Variants in SHC4 observed in about 807,000 individuals in gnomAD.
SHC4 encodes the protein SHC adaptor protein 4.
A neutral mutation model predicts 69.4 loss-of-function variants in SHC4; 41 were observed. The observed-to-expected ratio is 0.59, with a 90% CI of 0.46 to 0.77. The LOEUF (loss-of-function observed/expected upper bound fraction) is 0.77, where lower values mean the gene tolerates loss of function less well. Among genes scored for constraint, SHC4 ranks in the 30% least tolerant of loss-of-function variants. The pLI, the probability that SHC4 is intolerant of heterozygous loss-of-function variation, is 0.00. For synonymous variants in SHC4, 318 were observed against 299.3 expected (o/e 1.06, Z -0.64); for missense variants, 777 against 783.8 (o/e 0.99, Z 0.10).
intron 2 of SHC4, among the ~76,000 whole-genome samples, chr15:48,921,993 G>A (rs985812495): frequency 3.3e-5 from 5 of 152,146 alleles, no homozygotes; most frequent in African/African-American, 1.2e-4. Context: ...AAGATTCTGA[G>A]TAATTTTCTC....
chr15:48,864,294 C>G (rs1595736787), intron 6 of SHC4, among the ~76,000 whole-genome samples: 1 of 152,068 alleles, frequency 6.6e-6, no homozygotes, highest in East Asian at 1.9e-4. Context: ...ACTATTAGTT[C>G]ACAAATTTGA....
At chr15:48,885,643 C>T (rs1015500031) in intron 3 of SHC4, among the ~76,000 whole-genome samples, 1 of 152,154 alleles carries the variant, frequency 6.6e-6, no homozygotes, top group Non-Finnish European at 1.5e-5. Context: ...CCTAGTTTTG[C>T]TTTTATATTA....
chr15:48,952,317 C>G (rs571832292), intron 1 of SHC4, among the ~76,000 whole-genome samples: 15 of 152,228 alleles, frequency 9.9e-5, no homozygotes, highest in Non-Finnish European at 1.9e-4. Context: ...ACCCCTCTAA[C>G]TAGAGGAAGT....
chr15:48,878,071 C>A, intron 4 of SHC4: 2 of 1,427,888 alleles, frequency 1.4e-6, no homozygotes, highest in Non-Finnish European at 1.9e-6. Context: ...CACGCCTGCG[C>A]GCGGGGTTAC....
At chr15:48,886,911 G>A (rs1900045907) in intron 3 of SHC4, among the ~76,000 whole-genome samples, 1 of 152,164 alleles carries the variant, frequency 6.6e-6, no homozygotes, top group African/African-American at 2.4e-5. Context: ...TTTTACTAAA[G>A]AGTGGAGGCA....
At chr15:48,843,373 C>A (rs1899027704) in intron 10 of SHC4, 36 bp downstream of exon 10, 1 of 1,551,998 alleles carries the variant, frequency 6.4e-7, no homozygotes, top group Non-Finnish European at 8.8e-7. Context: ...TAAAACAGCC[C>A]TAAGAAATGA....
chr15:48,907,068 G>T (rs1232151406), intron 2 of SHC4, among the ~76,000 whole-genome samples: 2 of 151,922 alleles, frequency 1.3e-5, no homozygotes, highest in African/African-American at 4.8e-5. Context: ...TTTTTTAAAA[G>T]TTTATTTTAC....
At position 48,941,055 on chromosome 15, in the gene SHC4, T is replaced by C. The variant is rs564142277; in HGVS notation, c.586-16106A>G. On this transcript the variant is annotated intron_variant, in intron 1 of 11. Coordinates refer to ENST00000332408, the MANE Select transcript of SHC4 (RefSeq NM_203349.4). ...CCAGGGCTCGAAGGGACCTTAGAGATGATCCATTCCAACTCCTCTACTTTT... is the reference window on the plus strand; with the variant it reads ...CCAGGGCTCGAAGGGACCTTAGAGACGATCCATTCCAACTCCTCTACTTTT... 3.3e-5 allele frequency among the ~76,000 whole-genome samples: 5 copies of C among 152,308 alleles called. No individual in the cohort carries two copies. The South Asian group carries it at 1.0e-3, about 32-fold the overall frequency.
chr15:48,898,319 G>T (rs1900260348), intron 2 of SHC4, among the ~76,000 whole-genome samples: 1 of 152,208 alleles, frequency 6.6e-6, no homozygotes, highest in Non-Finnish European at 1.5e-5. Context: ...AAAATGGAAA[G>T]CCTCAGACTT....
chr15:48,936,707 T>C (rs184435137), intron 1 of SHC4, among the ~76,000 whole-genome samples: 1 of 152,212 alleles, frequency 6.6e-6, no homozygotes, highest in African/African-American at 2.4e-5. Context: ...TTTATAACAA[T>C]GTGAGAACAG....
At chr15:48,851,749 G>A (rs571048282) in intron 8 of SHC4, among the ~76,000 whole-genome samples, 2 of 152,268 alleles carry the variant, frequency 1.3e-5, no homozygotes, top group East Asian at 3.9e-4. Flanking sequence ...ATATACTGTG[G>A]GGGAGGGATC....
chr15:48,911,295 A>G (rs1272029406), intron 2 of SHC4, among the ~76,000 whole-genome samples: 2 of 152,156 alleles, frequency 1.3e-5, no homozygotes, highest in African/African-American at 2.4e-5. Flanking sequence ...CCTGTTGGAC[A>G]ATGCCTTTTA....
At chr15:48,947,776 A>G (rs1051776194) in intron 1 of SHC4, 1 of 152,200 alleles carries the variant, frequency 6.6e-6, no homozygotes, top group Non-Finnish European at 1.5e-5. Flanking sequence ...GAAAAAAATT[A>G]CACCTGCTTT....
intron 9 of SHC4, 42 bp from the exon 10 acceptor site, chr15:48,843,630 T>C: frequency 6.5e-7 from 1 of 1,542,864 alleles, no homozygotes; most frequent in Non-Finnish European, 8.8e-7. Context: ...GTTTTTTCTT[T>C]GTAAATAGTA....
rs1161007997 is a variant in SHC4 at position 48,963,754 on chromosome 15, T to A, written c.-739A>T. 6.6e-6 allele frequency among the ~76,000 whole-genome samples: 1 copy of A among 152,146 alleles called. No homozygotes were observed. Among genetic ancestry groups the A allele is most frequent in the Non-Finnish European group, 1.5e-5 (1 of 68,028 alleles). ...CCCCTCCCAGCCTGCCTACCCTCGCTCAGAGCTTCCCTCCCTCCTGGATTC... is the reference window on the plus strand; with the variant it reads ...CCCCTCCCAGCCTGCCTACCCTCGCACAGAGCTTCCCTCCCTCCTGGATTC... On this transcript the variant is annotated 5_prime_UTR_variant, in exon 1 of 12. Transcript: ENST00000332408.
At chr15:48,869,334 A>G (rs2413918) in intron 5 of SHC4, among the ~76,000 whole-genome samples, 5 of 152,180 alleles carry the variant, frequency 3.3e-5, no homozygotes, top group African/African-American at 1.2e-4. Context: ...TGAGAAGGCT[A>G]TTCATTATTT....
intron 1 of SHC4, among the ~76,000 whole-genome samples, chr15:48,934,754 G>A (rs933407240): frequency 1.3e-5 from 2 of 152,196 alleles, no homozygotes; most frequent in African/African-American, 4.8e-5. Context: ...CAATGGAATA[G>A]TATTTGGCAA....
At chr15:48,838,907 A>ATAAAAC (rs1312861607) in intron 10 of SHC4, among the ~76,000 whole-genome samples, 1 of 152,142 alleles carries the variant, frequency 6.6e-6, no homozygotes, top group African/African-American at 2.4e-5. Flanking sequence ...TATTATGAAA[A>ATAAAAC]TAAAACTATG....
Position 48,835,171 on chromosome 15 carries a change from T to C in SHC4, c.1484-149A>G. The C allele has an allele frequency of 2.8e-6, 3 of 1,068,018 alleles. No individual in the cohort carries two copies. In the South Asian group the frequency reaches 5.1e-5, roughly 18 times the overall value. The allele number at this position is 1,068,018 out of a possible 1,614,324, so 66.2% of individuals were successfully genotyped here. A position where few individuals can be genotyped will look rare whatever the true frequency, so the allele number is the denominator to read the frequency against. ...CTGCTTGGGGAACAAATGAGGTTTT[T>C]GTTTTCAGAACTCCCAACAGGCTTT... is the stretch of plus-strand genomic sequence containing the variant. On this transcript the variant is annotated intron_variant, in intron 10 of 11. Coordinates refer to ENST00000332408, the MANE Select transcript of SHC4 (RefSeq NM_203349.4).
Sources: gnomAD v4.1 joint callset for allele counts (sites outside exome capture counted in the v4.1 genomes callset) on GRCh38, gnomAD v4.1.1 for gene constraint, MANE v1.5 for transcripts, NCBI Gene and HGNC (gene_info 2026-07-23, HGNC 2026-07-21) for gene names.